FSTL5: variants seen among roughly 807,000 people sequenced by gnomAD.
The protein encoded by FSTL5 is follistatin like 5, also known as follistatin-related protein 5.
A neutral mutation model predicts 89.1 loss-of-function variants in FSTL5; 62 were observed. That is an observed-to-expected ratio of 0.70 (90% CI 0.57 to 0.86). The LOEUF (loss-of-function observed/expected upper bound fraction) is 0.86. Ranked by LOEUF, FSTL5 falls within the 40% of genes least tolerant of loss-of-function variation. FSTL5 has a pLI of 0.00. For synonymous variants in FSTL5, 383 were observed against 346.2 expected (o/e 1.11, Z -1.18); for missense variants, 1,057 against 1,001.6 (o/e 1.06, Z -0.75).
intron 6 of FSTL5, among the ~76,000 whole-genome samples, chr4:161,743,883 C>T (rs986931751): frequency 6.6e-6 from 1 of 152,176 alleles, no homozygotes; most frequent in Non-Finnish European, 1.5e-5. Flanking sequence ...GTTGCATCTG[C>T]AATCGTGTTT....
At chr4:162,048,078 G>A (rs1328652544) in intron 2 of FSTL5, among the ~76,000 whole-genome samples, 1 of 152,012 alleles carries the variant, frequency 6.6e-6, no homozygotes, top group Admixed American at 6.6e-5. Context: ...TGTAATCCCA[G>A]CAGTTTAGGA....
intron 7 of FSTL5, among the ~76,000 whole-genome samples, chr4:161,606,886 A>C (rs984187709): frequency 2.6e-5 from 4 of 152,198 alleles, no homozygotes; most frequent in Admixed American, 2.6e-4. Context: ...GGAAGAGATA[A>C]AAATTTAAAT....
chr4:161,414,006 CA>C (rs1731688470), intron 15 of FSTL5, among the ~76,000 whole-genome samples: 2 of 152,142 alleles, frequency 1.3e-5, no homozygotes, highest in Admixed American at 6.5e-5. Context: ...CTCCAAACCT[CA>C]GTGTCACTCC....
At chr4:161,579,192 T>G (rs534599628) in intron 8 of FSTL5, among the ~76,000 whole-genome samples, 1 of 152,292 alleles carries the variant, frequency 6.6e-6, no homozygotes, top group East Asian at 1.9e-4. Context: ...AGGATGAAAA[T>G]GGCAGAGATC....
intron 3 of FSTL5, among the ~76,000 whole-genome samples, chr4:161,995,817 T>C (rs1264152756): frequency 6.6e-6 from 1 of 151,576 alleles, no homozygotes; most frequent in Non-Finnish European, 1.5e-5. Context: ...CAGTGTCTAA[T>C]GAAAACACAC....
At chr4:162,042,700 A>G (rs1248003202) in intron 2 of FSTL5, among the ~76,000 whole-genome samples, 1 of 152,062 alleles carries the variant, frequency 6.6e-6, no homozygotes, top group Non-Finnish European at 1.5e-5. Context: ...TAAATTAGAA[A>G]CATTTATTTC....
At chr4:161,530,540 T>G (rs1560940084) in intron 10 of FSTL5, among the ~76,000 whole-genome samples, 1 of 151,988 alleles carries the variant, frequency 6.6e-6, no homozygotes, top group Non-Finnish European at 1.5e-5. Context: ...AGCCAACTAA[T>G]GTTAATTTAT....
chr4:161,915,924 G>C (rs1733825645), intron 4 of FSTL5, among the ~76,000 whole-genome samples: 1 of 151,830 alleles, frequency 6.6e-6, no homozygotes, highest in Middle Eastern at 3.4e-3. Context: ...AAATACATGT[G>C]GATTAGCACA....
chr4:161,511,986 G>T (rs1241161610), intron 10 of FSTL5, among the ~76,000 whole-genome samples: 1 of 151,930 alleles, frequency 6.6e-6, no homozygotes, highest in Admixed American at 6.6e-5. Flanking sequence ...ATATGTTCAA[G>T]GTATATCAAC....
At chr4:161,852,343 GCAT>G (rs1169718389) in intron 4 of FSTL5, among the ~76,000 whole-genome samples, 1 of 152,114 alleles carries the variant, frequency 6.6e-6, no homozygotes, top group Non-Finnish European at 1.5e-5. Flanking sequence ...ACCATTGCAT[GCAT>G]CCTACTCTTT....
chr4:161,541,802 G>A (rs536248841), intron 9 of FSTL5, among the ~76,000 whole-genome samples: 1 of 151,830 alleles, frequency 6.6e-6, no homozygotes, highest in Non-Finnish European at 1.5e-5. Flanking sequence ...TGAGTGTTGT[G>A]TGTTACCCCT....
chr4:162,031,184 A>G (rs562588608), intron 3 of FSTL5, among the ~76,000 whole-genome samples: 1 of 152,324 alleles, frequency 6.6e-6, no homozygotes, highest in South Asian at 2.1e-4. Context: ...GGGCACTGGT[A>G]TCATTACATT....
In FSTL5 at chr4:161,779,049, T is replaced by C. The variant is rs910811045; in HGVS notation, c.410-2975A>G. ...AATGGCATTGGGGAGATCTGAATGTTGGCGAGAGATGGATGGGAAATAGGA... is the reference window on the plus strand; with the variant it reads ...AATGGCATTGGGGAGATCTGAATGTCGGCGAGAGATGGATGGGAAATAGGA... On this transcript the variant is annotated intron_variant, in intron 4 of 15. Transcript: ENST00000306100. 7.9e-5 allele frequency among the ~76,000 whole-genome samples: 12 copies of C among 152,224 alleles called. No homozygotes were observed. The South Asian group carries it at 2.5e-3, about 31-fold the overall frequency.
At chr4:161,467,957 C>A (rs1486120496) in intron 13 of FSTL5, among the ~76,000 whole-genome samples, 7 of 152,040 alleles carry the variant, frequency 4.6e-5, no homozygotes, top group Non-Finnish European at 8.8e-5. Context: ...GTTTATCTCT[C>A]AGAAAGAATA....
chr4:161,807,834 A>G (rs1730015272), intron 4 of FSTL5, among the ~76,000 whole-genome samples: 1 of 152,164 alleles, frequency 6.6e-6, no homozygotes, highest in Non-Finnish European at 1.5e-5. Flanking sequence ...AGGTTGGGTA[A>G]GAAGACATGG....
chr4:161,723,398 G>C (rs1465415384), intron 6 of FSTL5, among the ~76,000 whole-genome samples: 1 of 152,216 alleles, frequency 6.6e-6, no homozygotes, highest in African/African-American at 2.4e-5. Context: ...AATGGCAATT[G>C]TTTCCTCTCC....
At chr4:161,853,169 G>A (rs77202304) in intron 4 of FSTL5, among the ~76,000 whole-genome samples, 12,153 of 152,226 alleles carry the variant, frequency 0.08, 570 homozygotes, top group African/African-American at 0.13. Flanking sequence ...TCTAAAAATA[G>A]TATCAGTATA....
intron 6 of FSTL5, among the ~76,000 whole-genome samples, chr4:161,664,265 G>A (rs1202026050): frequency 3.9e-5 from 6 of 152,138 alleles, no homozygotes; most frequent in Admixed American, 2.6e-4. Flanking sequence ...CTTTTCTATC[G>A]CATAGTCAGG....
chr4:162,119,120 G>A (rs1244073542), intron 1 of FSTL5, among the ~76,000 whole-genome samples: 2 of 151,932 alleles, frequency 1.3e-5, no homozygotes, highest in Non-Finnish European at 2.9e-5. Context: ...TACTCTACTT[G>A]GGAGACTTAG....
Sources: allele counts gnomAD v4.1 joint callset (sites outside exome capture counted in the v4.1 genomes callset), GRCh38; gene constraint gnomAD v4.1.1; transcripts MANE v1.5; gene names NCBI Gene and HGNC (gene_info 2026-07-23, HGNC 2026-07-21).